Variants in DMD observed in about 807,000 individuals in gnomAD.
DMD encodes mutant dystrophin.
Under a neutral mutation model 330.1 loss-of-function variants are expected in DMD, and 63 were observed. The observed-to-expected ratio is 0.19, with a 90% CI of 0.16 to 0.24. The LOEUF is 0.24. Ranked by LOEUF, DMD falls within the 10% of genes least tolerant of loss-of-function variation. DMD has a pLI of 1.00. For missense variants in DMD, 3,344 were observed against 2,684.1 expected (o/e 1.25, Z -5.43); for synonymous variants, 1,223 against 959.8 (o/e 1.27, Z -5.07).
intron 4 of DMD, among the ~76,000 whole-genome samples, chrX:32,833,296 C>CA (rs752700673): frequency 3.6e-5 from 4 of 110,592 alleles, no homozygotes; most frequent in Non-Finnish European, 5.7e-5. Flanking sequence ...GCAGTTAATA[C>CA]AAGTGTCTCA....
chrX:33,199,312 T>C (rs1360487152), intron 1 of DMD, among the ~76,000 whole-genome samples: 4 of 110,365 alleles, frequency 3.6e-5, no homozygotes, highest in Non-Finnish European at 5.7e-5. Flanking sequence ...TGGATGAAAA[T>C]ATATTAGAGG....
chrX:31,192,198 T>G (rs1445632745), intron 67 of DMD, among the ~76,000 whole-genome samples: 2 of 112,224 alleles, frequency 1.8e-5, no homozygotes. Flanking sequence ...TATTAATGAC[T>G]CTTCTTCCAA....
intron 49 of DMD, among the ~76,000 whole-genome samples, chrX:31,826,640 G>A (rs763769220): frequency 7.9e-4 from 89 of 112,122 alleles, no homozygotes; most frequent in African/African-American, 2.6e-3. Context: ...AATTTAAGCA[G>A]TGCTCAATAG....
chrX:32,748,416 C>T (rs187075317), intron 7 of DMD, among the ~76,000 whole-genome samples: 1 of 109,631 alleles, frequency 9.1e-6, no homozygotes, highest in Non-Finnish European at 1.9e-5. Flanking sequence ...GGCATTTAAT[C>T]CTGTTATACA....
At chrX:31,418,479 T>G (rs779257777) in intron 60 of DMD, among the ~76,000 whole-genome samples, 1 of 111,634 alleles carries the variant, frequency 9.0e-6, no homozygotes, top group Non-Finnish European at 1.9e-5. Flanking sequence ...GCAGTTAGAT[T>G]TAAGTGTAAT....
chrX:32,911,436 T>G (rs1018861575), intron 2 of DMD, among the ~76,000 whole-genome samples: 4 of 112,214 alleles, frequency 3.6e-5, no homozygotes, highest in African/African-American at 1.3e-4. Flanking sequence ...ATCTGCTAAA[T>G]TAAATGAGTG....
intron 44 of DMD, among the ~76,000 whole-genome samples, chrX:32,162,088 G>A (rs2096851438): frequency 9.0e-6 from 1 of 111,242 alleles, no homozygotes; most frequent in Non-Finnish European, 1.9e-5. Flanking sequence ...CTAGATGACG[G>A]GTTGATGGGT....
At chrX:31,452,583 C>G (rs2065842156) in intron 59 of DMD, among the ~76,000 whole-genome samples, 1 of 111,859 alleles carries the variant, frequency 8.9e-6, no homozygotes, top group Non-Finnish European at 1.9e-5. Context: ...AACTCTGTCT[C>G]AAAAACAAGA....
intron 11 of DMD, among the ~76,000 whole-genome samples, chrX:32,622,853 G>A (rs747006876): frequency 1.3e-4 from 14 of 111,808 alleles, no homozygotes; most frequent in East Asian, 5.7e-4. Context: ...GGGTTGGGTC[G>A]AAGAATTCAG....
At chrX:32,104,650 GTTTTA>G (rs1349318012) in intron 44 of DMD, among the ~76,000 whole-genome samples, 2 of 111,956 alleles carry the variant, frequency 1.8e-5, no homozygotes, top group African/African-American at 3.2e-5. Context: ...AACAATATAT[GTTTTA>G]TTTTATTTTA....
chrX:31,275,674 G>A (rs2052052679), intron 62 of DMD, among the ~76,000 whole-genome samples: 1 of 111,328 alleles, frequency 9.0e-6, no homozygotes, highest in Admixed American at 9.7e-5. Context: ...GAATGGAAAT[G>A]TATGCCAAGT....
intron 45 of DMD, among the ~76,000 whole-genome samples, chrX:31,959,945 G>A (rs1300154997): frequency 1.8e-5 from 2 of 108,984 alleles, no homozygotes; most frequent in Non-Finnish European, 3.8e-5. Context: ...TCTTAGTAGC[G>A]ATGTGGTTTC....
At chrX:32,111,930 T>A (rs933953667) in intron 44 of DMD, among the ~76,000 whole-genome samples, 1 of 112,396 alleles carries the variant, frequency 8.9e-6, no homozygotes, top group Non-Finnish European at 1.9e-5. Context: ...TATTGTTTTA[T>A]TATCTATGGC....
chrX:31,549,793 C>A (rs1441881800), intron 55 of DMD, among the ~76,000 whole-genome samples: 1 of 112,280 alleles, frequency 8.9e-6, no homozygotes, highest in South Asian at 3.7e-4. Context: ...TTATGACTTA[C>A]AGCATAAGTT....
At chrX:31,180,000 T>C (rs746535403) in intron 69 of DMD, among the ~76,000 whole-genome samples, 8 of 111,838 alleles carry the variant, frequency 7.2e-5, no homozygotes, top group African/African-American at 2.6e-4. Context: ...AGTTTATGAA[T>C]TTGGGGGAAC....
At chrX:32,406,725 T>C (rs2098118959) in intron 30 of DMD, among the ~76,000 whole-genome samples, 2 of 110,876 alleles carry the variant, frequency 1.8e-5, no homozygotes, top group Admixed American at 1.9e-4. Flanking sequence ...TTTTTCTGTA[T>C]ATTACAAGGC....
At chrX:32,560,960 C>T (rs769456529) in intron 16 of DMD, among the ~76,000 whole-genome samples, 9 of 111,538 alleles carry the variant, frequency 8.1e-5, no homozygotes, top group South Asian at 3.8e-4. Context: ...TATCCAGTAA[C>T]GGCCTTGCTG....
intron 1 of DMD, among the ~76,000 whole-genome samples, chrX:33,320,215 C>T (rs904526250): frequency 1.8e-5 from 2 of 111,582 alleles, no homozygotes; most frequent in Non-Finnish European, 3.8e-5. Context: ...ACACCAAATG[C>T]CAATGGTACA....
chrX:32,124,633 GGTGA>G lies in DMD; in HGVS notation c.6438+92279_6438+92282del, dbSNP rs747648432. 5.4e-5 allele frequency among the ~76,000 whole-genome samples: 6 copies of G among 111,738 alleles called. No individual in the cohort carries two copies. The South Asian group carries it at 1.5e-3, about 28-fold the overall frequency. On this transcript the variant is annotated intron_variant, in intron 44 of 78. Transcript: ENST00000357033. ...ATTACTGTGGTTCTATGAATTCAGT[GGTGA>G]GTAAGTAAAGAATGCCCAATATCTA...
Sources: allele counts gnomAD v4.1 joint callset (sites outside exome capture counted in the v4.1 genomes callset), GRCh38; gene constraint gnomAD v4.1.1; transcripts MANE v1.5; gene names NCBI Gene and HGNC (gene_info 2026-07-23, HGNC 2026-07-21).